Variants in APOL6 observed in about 807,000 individuals in gnomAD.
The protein encoded by APOL6 is apolipoprotein L6.
A neutral mutation model predicts 2.4 loss-of-function variants in APOL6; 1 was observed. The ratio of observed to expected loss-of-function variants is 0.41; its 90% confidence interval spans 0.15 to 1.94. The LOEUF (loss-of-function observed/expected upper bound fraction) is 1.94, where lower values mean the gene tolerates loss of function less well. APOL6 is among the 30% of genes most tolerant of loss of function. The pLI, the probability that APOL6 is intolerant of heterozygous loss-of-function variation, is 0.30. For missense variants in APOL6, 438 were observed against 429.2 expected, an observed-to-expected ratio of 1.02 and a Z score of -0.18; for synonymous variants, 189 against 169.3, an observed-to-expected ratio of 1.12 and a Z score of -0.90.
rs749166063 is a variant in APOL6, at chr22:35,658,908, G to A, written c.344G>A (p.Gly115Asp). 1 of 1,614,030 alleles carries A rather than the reference G, an allele frequency of 6.2e-7. No individual in the cohort carries two copies. Residue 115 changes from glycine (G) to aspartate (D), a missense_variant, in exon 3 of 3, where the codon GGT (glycine) becomes GAT (aspartate). Gly to Asp is a moderately conservative substitution (Grantham distance 94). Coordinates refer to ENST00000409652, the MANE Select transcript of APOL6 (RefSeq NM_030641.4). ...GSLLLSTAGQ[G>D]LATAAGVTSI... is the part of the protein sequence containing the mutation. ...CTGCTGCTCTCCACCGCTGGTCAAG[G>A]TTTGGCAACAGCAGCTGGGGTCACC... is the stretch of plus-strand genomic sequence containing the variant.
At chr22:35,654,548 A>G (rs28529217) in intron 1 of APOL6, among the ~76,000 whole-genome samples, 1 of 151,530 alleles carries the variant, frequency 6.6e-6, no homozygotes. Flanking sequence ...CTCTATATAT[A>G]TATATATGTA....
chr22:35,651,401 T>G lies in APOL6; in HGVS notation c.-48+2778T>G, dbSNP rs1466621049. Reference sequence around the variant, plus strand: ...CTCTCTCTGTCACCTCCTCTTCTTATAATGACATCAGTGATGGATTTCAGG... The same window carrying G: ...CTCTCTCTGTCACCTCCTCTTCTTAGAATGACATCAGTGATGGATTTCAGG... On this transcript the variant is annotated intron_variant, in intron 1 of 2. Coordinates refer to ENST00000409652, the MANE Select transcript of APOL6 (RefSeq NM_030641.4). 2.0e-5 allele frequency among the ~76,000 whole-genome samples: 3 copies of G among 152,302 alleles called. No individual in the cohort carries two copies. In the East Asian group the frequency reaches 5.8e-4, roughly 29 times the overall value.
rs1483590422 is a variant in APOL6 at position 35,665,276 on chromosome 22, C to A, written c.*5680C>A. 1 of 152,120 alleles carries A rather than the reference C, an allele frequency of 6.6e-6. No homozygotes were observed. The highest frequency in any genetic ancestry group is 1.5e-5 in the Non-Finnish European group (1 of 68,034). 9.4% of individuals were successfully genotyped at this position (152,120 alleles called of 1,614,324 possible). A position where few individuals can be genotyped will look rare whatever the true frequency, so the allele number is the denominator to read the frequency against. On this transcript the variant is annotated 3_prime_UTR_variant, in exon 3 of 3. Transcript: ENST00000409652. ...TTAAAGTCCTTGTAACATTGAGTTA[C>A]AGGGCTTTAACTCCTGTGTCTGAAA...
chr22:35,654,879 A>G (rs1924801690), intron 1 of APOL6, among the ~76,000 whole-genome samples: 1 of 152,186 alleles, frequency 6.6e-6, no homozygotes, highest in Admixed American at 6.5e-5. Context: ...GCCTAAAAGC[A>G]AGATCTAAAT....
At position 35,650,754 on chromosome 22, in the gene APOL6, ACC is replaced by A. The variant is rs750552030; in HGVS notation, c.-48+2134_-48+2135del. On this transcript the variant is annotated intron_variant, in intron 1 of 2. Transcript: ENST00000409652. ...AGACCAGCCTGGCCAACCTTGTGAA[ACC>A]CCATCTCTACTAAAAATACAAAAAT... Among the ~76,000 whole-genome samples, 11 of 152,014 alleles carry A rather than the reference ACC, an allele frequency of 7.2e-5. No homozygotes were observed. The East Asian group carries it at 1.9e-3, about 27-fold the overall frequency.
At chr22:35,656,943 G>T (rs534821763) in intron 2 of APOL6, among the ~76,000 whole-genome samples, 1 of 152,176 alleles carries the variant, frequency 6.6e-6, no homozygotes, top group South Asian at 2.1e-4. Flanking sequence ...TGAATTAGAC[G>T]AACTCTATGT....
rs1013545028 is a variant in APOL6 at position 35,663,088 on chromosome 22, C to T, written c.*3492C>T. ...TCAGAAATTGTATAATTTGTGTGACCATTGTTAGTTTTGCTTAACTGTTTT... is the reference window on the plus strand; with the variant it reads ...TCAGAAATTGTATAATTTGTGTGACTATTGTTAGTTTTGCTTAACTGTTTT... On this transcript the variant is annotated 3_prime_UTR_variant, in exon 3 of 3. Transcript: ENST00000409652. The T allele has an allele frequency of 9.9e-5, 15 of 152,254 alleles. No homozygotes were observed. The highest frequency in any genetic ancestry group is 3.1e-4 in the African/African-American group (13 of 41,558). 9.4% of individuals were successfully genotyped at this position (152,254 alleles called of 1,614,324 possible).
Position 35,659,254 on chromosome 22 carries a change from C to G in APOL6, c.690C>G (p.Thr230=). The G allele has an allele frequency of 6.2e-7, 1 of 1,614,172 alleles. No individual in the cohort carries two copies. The highest frequency in any genetic ancestry group is 8.5e-7 in the Non-Finnish European group (1 of 1,180,016). Residue 230 remains threonine, a synonymous_variant, in exon 3 of 3, where the codon ACC becomes ACG. Transcript: ENST00000409652. ...TTGCGGGAACAACACTGGCGATGAC[C>G]AAAAATGCTCGCGTGCTGGGAGGTG... ...KAFAGTTLAM[T]KNARVLGGVM...
At position 35,658,937 on chromosome 22, in the gene APOL6, A is replaced by G. The variant is rs1924926934; in HGVS notation, c.373A>G (p.Ile125Val). The G allele has an allele frequency of 1.2e-6, 2 of 1,614,012 alleles. No homozygotes were observed. The highest frequency in any genetic ancestry group is 1.7e-6 in the Non-Finnish European group (2 of 1,180,036). Residue 125 changes from isoleucine to valine, a missense_variant, in exon 3 of 3, where the codon ATC becomes GTC. Transcript: ENST00000409652. ...GLATAAGVTS[I>V]VSGTLERSKN... Reference sequence around the variant, plus strand: ...GGCAACAGCAGCTGGGGTCACCAGCATCGTGAGTGGTACGTTGGAACGCTC... The same window carrying G: ...GGCAACAGCAGCTGGGGTCACCAGCGTCGTGAGTGGTACGTTGGAACGCTC...
rs1925051367 is a variant in APOL6 at position 35,662,360 on chromosome 22, C to T, written c.*2764C>T. 1 of 152,114 alleles carries T rather than the reference C, an allele frequency of 6.6e-6. No homozygotes were observed. The highest frequency in any genetic ancestry group is 2.4e-5 in the African/African-American group (1 of 41,408). 9.4% of individuals were successfully genotyped at this position (152,114 alleles called of 1,614,324 possible). On this transcript the variant is annotated 3_prime_UTR_variant, in exon 3 of 3. Coordinates refer to ENST00000409652, the MANE Select transcript of APOL6 (RefSeq NM_030641.4). The stretch of plus-strand genomic sequence containing the variant: ...AAAATATCTTGGGGCCCCAGAATCA[C>T]TAAGGAAAACTCAAGCTTAGGGAAA...
At chr22:35,654,536 CTCTCTA>C (rs1924790678) in intron 1 of APOL6, among the ~76,000 whole-genome samples, 2 of 139,890 alleles carry the variant, frequency 1.4e-5, no homozygotes, top group African/African-American at 6.1e-5. Context: ...CTCTCTCTCT[CTCTCTA>C]TATATATATA....
intron 1 of APOL6, among the ~76,000 whole-genome samples, chr22:35,649,132 G>A (rs888304510): frequency 2.0e-5 from 3 of 152,150 alleles, no homozygotes; most frequent in African/African-American, 7.2e-5. Flanking sequence ...GAGGGAGTTT[G>A]TGATAAATAT....
chr22:35,658,192 C>A (rs1364072948), intron 2 of APOL6, among the ~76,000 whole-genome samples: 1 of 152,150 alleles, frequency 6.6e-6, no homozygotes, highest in African/African-American at 2.4e-5. Context: ...CCCCTGCCCA[C>A]CACCTTGTCT....
In APOL6 at chr22:35,664,494, G is replaced by T. The variant is rs996155902; in HGVS notation, c.*4898G>T. The T allele has an allele frequency of 6.6e-6, 1 of 152,194 alleles. No homozygotes were observed. Among genetic ancestry groups the T allele is most frequent in the Non-Finnish European group, 1.5e-5 (1 of 68,034 alleles). The allele number at this position is 152,194 out of a possible 1,614,324, so 9.4% of individuals were successfully genotyped here. Reference sequence around the variant, plus strand: ...CGGCCTATGCCCAGGAATGAACAAGGACAGCTTGGAAGTTAAGAGCAAGGT... The same window carrying T: ...CGGCCTATGCCCAGGAATGAACAAGTACAGCTTGGAAGTTAAGAGCAAGGT... On this transcript the variant is annotated 3_prime_UTR_variant, in exon 3 of 3. Transcript: ENST00000409652.
rs1480843566 is a variant in APOL6, at chr22:35,666,036, T to C, written c.*6440T>C. ...AAATGTGAAATGGTGTTTGGTTTTC[T>C]TTGGGCTGTATTTGTATAAATATGT... On this transcript the variant is annotated 3_prime_UTR_variant, in exon 3 of 3. Coordinates refer to ENST00000409652, the MANE Select transcript of APOL6 (RefSeq NM_030641.4). The C allele has an allele frequency of 6.6e-6, 1 of 152,218 alleles. No individual in the cohort carries two copies. The highest frequency in any genetic ancestry group is 2.4e-5 in the African/African-American group (1 of 41,476). The allele number at this position is 152,218 out of a possible 1,614,324, so 9.4% of individuals were successfully genotyped here.
At chr22:35,650,269 C>T (rs142202125) in intron 1 of APOL6, among the ~76,000 whole-genome samples, 177 of 152,250 alleles carry the variant, frequency 1.2e-3, no homozygotes, top group African/African-American at 3.7e-3. Context: ...TTTTCATAGA[C>T]TACCCCAAAG....
At position 35,665,967 on chromosome 22, in the gene APOL6, T is replaced by C. The variant is rs1337117590; in HGVS notation, c.*6371T>C. 6.6e-6 allele frequency: 1 copy of C among 152,220 alleles called. No homozygotes were observed. Among genetic ancestry groups the C allele is most frequent in the East Asian group, 1.9e-4 (1 of 5,206 alleles). The allele number at this position is 152,220 out of a possible 1,614,324, so 9.4% of individuals were successfully genotyped here. ...GTTTCCCTAAAGTCCTAAAATGACA[T>C]AATTTGGCTTATTTGGTATAAAAAT... On this transcript the variant is annotated 3_prime_UTR_variant, in exon 3 of 3. Coordinates refer to ENST00000409652, the MANE Select transcript of APOL6 (RefSeq NM_030641.4).
chr22:35,659,515 G>C lies in APOL6; in HGVS notation c.951G>C (p.Trp317Cys). The C allele has an allele frequency of 6.2e-7, 1 of 1,614,144 alleles. No homozygotes were observed. The highest frequency in any genetic ancestry group is 1.3e-5 in the African/African-American group (1 of 75,024). The part of the protein sequence containing the change: ...LTGTCETEAY[W>C]KELREHVWMW... ...GGACCTGCGAAACCGAGGCTTACTG[G>C]AAGGAGTTAAGGGAGCATGTGTGGA... is the stretch of plus-strand genomic sequence containing the variant. The change falls in exon 3 of 3, where the codon TGG (tryptophan) becomes TGC (cysteine). Residue 317 changes from tryptophan (W) to cysteine (C), a missense_variant. Trp to Cys is a radical substitution (Grantham distance 215, BLOSUM62 -2). Transcript: ENST00000409652.
At position 35,655,270 on chromosome 22, in the gene APOL6, G is replaced by A. The variant is rs117707552; in HGVS notation, c.-47-1109G>A. On this transcript the variant is annotated intron_variant, in intron 1 of 2. Coordinates refer to ENST00000409652, the MANE Select transcript of APOL6 (RefSeq NM_030641.4). The stretch of plus-strand genomic sequence containing the variant: ...GTCTTGGGTTACAAGGATCCTAGCT[G>A]AGAACTTAGAAGGGCAGAGGGAAAA... Among the ~76,000 whole-genome samples, 108 of 152,216 alleles carry A rather than the reference G, an allele frequency of 7.1e-4. 2 individuals carry two copies. The East Asian group carries it at 0.018, about 25-fold the overall frequency.
Sources: gnomAD v4.1 joint callset for allele counts (sites outside exome capture counted in the v4.1 genomes callset) on GRCh38, gnomAD v4.1.1 for gene constraint, MANE v1.5 for transcripts, NCBI Gene and HGNC (gene_info 2026-07-23, HGNC 2026-07-21) for gene names.